CSTPP1: variants seen among roughly 807,000 people sequenced by gnomAD.
CSTPP1 encodes centriolar satellite-associated tubulin polyglutamylase complex regulator 1, also known as UPF0705 protein C11orf49.
chr11:47,152,242 CA>C, the CSTPP1 span, among the ~76,000 whole-genome samples: 4,835 of 135,826 alleles, frequency 0.036, 180 homozygotes, highest in African/African-American at 0.11. Flanking sequence ...GAGCAAGACT[CA>C]AAAAAAAAAA....
At chr11:46,990,422 T>A in the CSTPP1 span, among the ~76,000 whole-genome samples, 1 of 152,234 alleles carries the variant, frequency 6.6e-6, no homozygotes, top group African/African-American at 2.4e-5. Context: ...TTCATATGTT[T>A]CTTGGCCACT....
At chr11:47,139,196 T>C in the CSTPP1 span, among the ~76,000 whole-genome samples, 2 of 152,176 alleles carry the variant, frequency 1.3e-5, no homozygotes, top group Non-Finnish European at 1.5e-5. Context: ...TTGTGGTTTC[T>C]GTGGGGAGCC....
At chr11:47,148,701 C>T in the CSTPP1 span, among the ~76,000 whole-genome samples, 7 of 152,162 alleles carry the variant, frequency 4.6e-5, no homozygotes, top group Non-Finnish European at 8.8e-5. Context: ...TGATTACAGC[C>T]GGCGCTCATT....
chr11:47,099,209 C>T, the CSTPP1 span, among the ~76,000 whole-genome samples: 1 of 152,188 alleles, frequency 6.6e-6, no homozygotes, highest in Admixed American at 6.5e-5. Flanking sequence ...TTCCATACAA[C>T]TATTCATTGA....
At chr11:47,138,967 A>AAGACTCCG in the CSTPP1 span, among the ~76,000 whole-genome samples, 1 of 119,792 alleles carries the variant, frequency 8.3e-6, no homozygotes, top group Admixed American at 1.0e-4. Flanking sequence ...GCGACAGAGC[A>AAGACTCCG]AGACTCCGTC....
At chr11:47,145,537 G>A in the CSTPP1 span, among the ~76,000 whole-genome samples, 5 of 152,180 alleles carry the variant, frequency 3.3e-5, no homozygotes, top group East Asian at 2.0e-4. Flanking sequence ...GCTTGAACCC[G>A]GGAGGCAGAG....
At chr11:47,162,384 G>T in the CSTPP1 span, 2 of 378,334 alleles carry the variant, frequency 5.3e-6, no homozygotes, top group South Asian at 2.2e-4. Flanking sequence ...AACGAGCAGA[G>T]GGGCCTAGCT....
the CSTPP1 span, among the ~76,000 whole-genome samples, chr11:47,104,202 C>T: frequency 2.0e-5 from 3 of 152,102 alleles, no homozygotes; most frequent in Non-Finnish European, 2.9e-5. Context: ...AATTCCCTGC[C>T]GATTGATTTC....
chr11:46,998,359 C>T, the CSTPP1 span, among the ~76,000 whole-genome samples: 15 of 152,072 alleles, frequency 9.9e-5, no homozygotes, highest in South Asian at 2.1e-4. Context: ...TACCAACACA[C>T]TGTTGAAAAA....
the CSTPP1 span, among the ~76,000 whole-genome samples, chr11:47,061,979 T>C: frequency 6.6e-6 from 1 of 152,086 alleles, no homozygotes; most frequent in Non-Finnish European, 1.5e-5. Context: ...TGGAATGCTT[T>C]TGTCACTATC....
the CSTPP1 span, among the ~76,000 whole-genome samples, chr11:47,087,101 T>G: frequency 6.6e-6 from 1 of 152,206 alleles, no homozygotes; most frequent in Non-Finnish European, 1.5e-5. Context: ...AATGGGTTCC[T>G]GTCATGCTGA....
At chr11:47,161,030 G>A in the CSTPP1 span, 1 of 1,513,178 alleles carries the variant, frequency 6.6e-7, no homozygotes, top group Non-Finnish European at 9.1e-7. Context: ...CGCAGGGTCA[G>A]CAGAACAGGC....
chr11:47,027,406 A>G, the CSTPP1 span, among the ~76,000 whole-genome samples: 2 of 152,216 alleles, frequency 1.3e-5, no homozygotes, highest in Non-Finnish European at 2.9e-5. Flanking sequence ...TCAGAGAAGC[A>G]GCAACTGAAA....
chr11:46,992,482 T>A, the CSTPP1 span, among the ~76,000 whole-genome samples: 1 of 148,346 alleles, frequency 6.7e-6, no homozygotes, highest in Non-Finnish European at 1.5e-5. Flanking sequence ...AGTGAGAACA[T>A]GCGGTGTTTG....
At chr11:47,136,397 G>A in the CSTPP1 span, among the ~76,000 whole-genome samples, 1 of 152,170 alleles carries the variant, frequency 6.6e-6, no homozygotes, top group Non-Finnish European at 1.5e-5. Flanking sequence ...AGAGGAGAGT[G>A]CCACAAAACC....
the CSTPP1 span, among the ~76,000 whole-genome samples, chr11:46,982,691 C>T: frequency 1.3e-5 from 2 of 152,056 alleles, no homozygotes; most frequent in Admixed American, 6.6e-5. Context: ...AAAGGTCATA[C>T]CTGAAATGGG....
At chr11:47,146,578 T>A in the CSTPP1 span, among the ~76,000 whole-genome samples, 1 of 152,184 alleles carries the variant, frequency 6.6e-6, no homozygotes, top group East Asian at 1.9e-4. Flanking sequence ...TTGGCAAAAA[T>A]TTTAAAGTCT....
chr11:46,969,477 C>T, the CSTPP1 span, among the ~76,000 whole-genome samples: 3 of 152,124 alleles, frequency 2.0e-5, no homozygotes. Flanking sequence ...CCTATGTATA[C>T]CCTGTGACCC....
chr11:47,091,454 C>G, the CSTPP1 span, among the ~76,000 whole-genome samples: 1 of 152,130 alleles, frequency 6.6e-6, no homozygotes, highest in Non-Finnish European at 1.5e-5. Flanking sequence ...CTGAGTACCT[C>G]CATCCAGGTT....
Sources: allele counts gnomAD v4.1 joint callset (sites outside exome capture counted in the v4.1 genomes callset), GRCh38; gene constraint gnomAD v4.1.1; transcripts MANE v1.5; gene names NCBI Gene and HGNC (gene_info 2026-07-23, HGNC 2026-07-21).